CALB2: variants seen among roughly 807,000 people sequenced by gnomAD.
CALB2 encodes calbindin 2, also known as calretinin.
Under a neutral mutation model 45.9 loss-of-function variants are expected in CALB2, and 34 were observed. The ratio of observed to expected loss-of-function variants is 0.74; its 90% CI spans 0.56 to 0.99. CALB2 has a LOEUF of 0.99. Among genes scored for constraint, CALB2 ranks in the 50% least tolerant of loss-of-function variants. CALB2 has a pLI of 0.00. For missense variants in CALB2, 344 were observed against 339.3 expected (o/e 1.01, Z -0.11); for synonymous variants, 142 against 129.6 (o/e 1.10, Z -0.65).
At chr16:71,372,297 C>T in intron 2 of CALB2, 68 bp downstream of exon 2, 1 of 1,134,142 alleles carries the variant, frequency 8.8e-7, no homozygotes, top group Non-Finnish European at 1.3e-6. Flanking sequence ...TGCTGTGTCC[C>T]AGTTATGTAT....
chr16:71,388,415 A>G (rs890892610), intron 10 of CALB2, among the ~76,000 whole-genome samples: 1 of 152,140 alleles, frequency 6.6e-6, no homozygotes, highest in Non-Finnish European at 1.5e-5. Flanking sequence ...GGAAAGAAAG[A>G]AAAGGTTGTT....
intron 1 of CALB2, among the ~76,000 whole-genome samples, chr16:71,360,598 C>T (rs546773993): frequency 3.3e-5 from 5 of 152,320 alleles, no homozygotes; most frequent in South Asian, 2.1e-4. Flanking sequence ...CAAGGTTACA[C>T]CACTGGCTTC....
At chr16:71,381,934 G>A (rs996326426) in intron 4 of CALB2, among the ~76,000 whole-genome samples, 1 of 151,570 alleles carries the variant, frequency 6.6e-6, no homozygotes, top group African/African-American at 2.4e-5. Flanking sequence ...AGGATCACTT[G>A]AGCTTGGGAG....
chr16:71,366,146 C>G (rs1218837186), intron 1 of CALB2, among the ~76,000 whole-genome samples: 1 of 149,066 alleles, frequency 6.7e-6, no homozygotes, highest in Non-Finnish European at 1.5e-5. Flanking sequence ...CCTGCCTCAG[C>G]CTCCCAAGTA....
At position 71,389,897 on chromosome 16, in the gene CALB2, C is replaced by A. The variant is rs371707371; in HGVS notation, c.*32C>A. Reference sequence around the variant, plus strand: ...GACGGGGGCTGCTTCTCCACCTCCCCCAAACCCTGCTTCTGCTGCCCTGAT... The same window carrying A: ...GACGGGGGCTGCTTCTCCACCTCCCACAAACCCTGCTTCTGCTGCCCTGAT... On this transcript the variant is annotated 3_prime_UTR_variant, in exon 11 of 11. Coordinates refer to ENST00000302628, the MANE Select transcript of CALB2 (RefSeq NM_001740.5). 6.7e-7 allele frequency: 1 copy of A among 1,494,800 alleles called. No individual in the cohort carries two copies. Among genetic ancestry groups the A allele is most frequent in the South Asian group, 1.1e-5 (1 of 88,628 alleles). 92.6% of individuals were successfully genotyped at this position (1,494,800 alleles called of 1,614,324 possible). A position where few individuals can be genotyped will look rare whatever the true frequency, so the allele number is the denominator to read the frequency against.
intron 1 of CALB2, among the ~76,000 whole-genome samples, chr16:71,366,024 CTT>C (rs1171021532): frequency 8.9e-5 from 4 of 45,064 alleles, no homozygotes; most frequent in South Asian, 7.9e-4. Context: ...CTCTCTCTCT[CTT>C]TTTTTTTTTT....
At chr16:71,382,041 G>GAGGAGGAGGAGGAGGAGGAGGAGA (rs2042499475) in intron 4 of CALB2, among the ~76,000 whole-genome samples, 2 of 81,870 alleles carry the variant, frequency 2.4e-5, no homozygotes, top group African/African-American at 9.9e-5. Flanking sequence ...GGAGGAGGAG[G>GAGGAGGAGGAGGAGGAGGAGGAGA]AGTAGGAGGA....
chr16:71,380,275 C>T (rs1429026489), intron 4 of CALB2, among the ~76,000 whole-genome samples: 7 of 84,220 alleles, frequency 8.3e-5, no homozygotes, highest in African/African-American at 2.5e-4. Flanking sequence ...TTCTTTCTTT[C>T]TTCTTTCCTT....
chr16:71,383,495 A>T (rs2042525293), intron 6 of CALB2, 51 bp downstream of exon 6: 1 of 1,542,840 alleles, frequency 6.5e-7, no homozygotes, highest in East Asian at 2.3e-5. Context: ...CTTGTGCCCC[A>T]AGCCACTTGG....
chr16:71,382,869 T>C lies in CALB2; in HGVS notation c.399+94T>C, dbSNP rs886797883. On this transcript the variant is annotated intron_variant, in intron 5 of 10. Coordinates refer to ENST00000302628, the MANE Select transcript of CALB2 (RefSeq NM_001740.5). Reference sequence around the variant, plus strand: ...AGATGTTGGATGAGGGGCATGAGTTTGCGGGCTGCTTAGGAATACTCAGAC... The same window carrying C: ...AGATGTTGGATGAGGGGCATGAGTTCGCGGGCTGCTTAGGAATACTCAGAC... The C allele has an allele frequency of 1.1e-5, 12 of 1,135,872 alleles. No homozygotes were observed. In the Admixed American group the frequency reaches 2.8e-4, roughly 26 times the overall value. 70.4% of individuals were successfully genotyped at this position (1,135,872 alleles called of 1,614,324 possible). A position where few individuals can be genotyped will look rare whatever the true frequency, so the allele number is the denominator to read the frequency against.
intron 4 of CALB2, among the ~76,000 whole-genome samples, chr16:71,380,663 G>A (rs1330475370): frequency 6.6e-6 from 1 of 152,030 alleles, no homozygotes; most frequent in Non-Finnish European, 1.5e-5. Context: ...CATAACTGCA[G>A]AGGAGACATG....
intron 10 of CALB2, 74 bp downstream of exon 10, chr16:71,385,722 A>G: frequency 8.1e-7 from 1 of 1,231,836 alleles, no homozygotes; most frequent in Non-Finnish European, 1.2e-6. Flanking sequence ...AGGAGGGGAA[A>G]GGTGCCTGGT....
chr16:71,377,587 C>T, intron 3 of CALB2, 80 bp from the exon 4 acceptor site: 1 of 975,212 alleles, frequency 1.0e-6, no homozygotes, highest in Non-Finnish European at 1.6e-6. Context: ...TGGCCCTTTC[C>T]ATCCTTCTTA....
chr16:71,382,214 G>A (rs1043651846), intron 4 of CALB2, among the ~76,000 whole-genome samples: 11 of 144,592 alleles, frequency 7.6e-5, no homozygotes, highest in Admixed American at 3.5e-4. Context: ...AATATGTGGC[G>A]CCAAATAGAC....
chr16:71,377,553 G>A (rs771299430), intron 3 of CALB2, 114 bp from the exon 4 acceptor site: 3 of 680,824 alleles, frequency 4.4e-6, no homozygotes, highest in Non-Finnish European at 5.2e-6. Context: ...GGAAGAAAAC[G>A]CAATTCCCAC....
intron 1 of CALB2, among the ~76,000 whole-genome samples, chr16:71,365,288 C>T (rs1193734152): frequency 9.9e-5 from 15 of 152,164 alleles, no homozygotes; most frequent in Admixed American, 6.5e-4. Context: ...GAGGAAGGTG[C>T]GAACCTTCCC....
chr16:71,371,616 G>GAAGGCT (rs1314161997), intron 1 of CALB2, among the ~76,000 whole-genome samples: 1 of 152,038 alleles, frequency 6.6e-6, no homozygotes, highest in Admixed American at 6.5e-5. Flanking sequence ...TTCTTCCTGG[G>GAAGGCT]TCTCTGTGTC....
At chr16:71,383,331 G>T in intron 5 of CALB2, 36 bp from the exon 6 acceptor site, 4 of 1,588,038 alleles carry the variant, frequency 2.5e-6, no homozygotes, top group Non-Finnish European at 3.5e-6. Context: ...CCGAATGCAC[G>T]AGTCAGGAGT....
intron 1 of CALB2, among the ~76,000 whole-genome samples, chr16:71,360,382 T>G (rs1322017280): frequency 6.6e-6 from 1 of 152,208 alleles, no homozygotes; most frequent in Non-Finnish European, 1.5e-5. Context: ...TGGAAGTGGG[T>G]AGATTGTTAA....
Sources: gnomAD v4.1 joint callset for allele counts (sites outside exome capture counted in the v4.1 genomes callset) on GRCh38, gnomAD v4.1.1 for gene constraint, MANE v1.5 for transcripts, NCBI Gene and HGNC (gene_info 2026-07-23, HGNC 2026-07-21) for gene names.